Variants in NPTN observed in about 807,000 individuals in gnomAD.
NPTN encodes the protein SDR-1.
In NPTN, 5 loss-of-function variants were observed where a neutral mutation model predicts 42.7. The observed-to-expected ratio is 0.12, with a 90% CI of 0.06 to 0.25. The LOEUF is 0.25. NPTN is among the 10% of genes least tolerant of loss of function. The probability of loss-of-function intolerance (pLI) is 1.00; values close to 1 mark genes in which losing one functional copy is unlikely to be tolerated. For missense variants in NPTN, 307 were observed against 525.4 expected (o/e 0.58, Z 4.06); for synonymous variants, 180 against 201.9 (o/e 0.89, Z 0.92).
chr15:73,585,771 C>T (rs1396374840), intron 4 of NPTN, among the ~76,000 whole-genome samples: 1 of 152,202 alleles, frequency 6.6e-6, no homozygotes, highest in East Asian at 1.9e-4. Flanking sequence ...ATACTACCAC[C>T]TGCCTCACCT....
intron 1 of NPTN, among the ~76,000 whole-genome samples, chr15:73,620,395 T>C (rs935800732): frequency 3.9e-5 from 6 of 152,188 alleles, no homozygotes; most frequent in African/African-American, 1.2e-4. Flanking sequence ...AAAATGAAGA[T>C]ATTCTCAATG....
chr15:73,587,414 T>C (rs530124368), intron 4 of NPTN, 110 bp downstream of exon 4: 62 of 771,430 alleles, frequency 8.0e-5, no homozygotes, highest in African/African-American at 7.3e-4. Context: ...CAACATTATA[T>C]TGTGTCTCGA....
Position 73,567,098 on chromosome 15 carries a change from A to C in NPTN, c.1114+3052T>G, listed in dbSNP as rs894082265. ...TAAATATTTGATTTTCTAGTGAAACATACTTAAACTAAACTATGTAAGTTC... is the reference window on the plus strand; with the variant it reads ...TAAATATTTGATTTTCTAGTGAAACCTACTTAAACTAAACTATGTAAGTTC... On this transcript the variant is annotated intron_variant, in intron 6 of 8. Transcript: ENST00000345330. 13 of 980,834 alleles carry C rather than the reference A, an allele frequency of 1.3e-5. No homozygotes were observed. The African/African-American group carries it at 2.3e-4, about 17-fold the overall frequency. The allele number at this position is 980,834 out of a possible 1,614,324, so 60.8% of individuals were successfully genotyped here.
At chr15:73,587,343 T>TA (rs1896366016) in intron 4 of NPTN, among the ~76,000 whole-genome samples, 181 bp downstream of exon 4, 1 of 152,154 alleles carries the variant, frequency 6.6e-6, no homozygotes, top group South Asian at 2.1e-4. Context: ...ACACAGCTAG[T>TA]AGATGATGGG....
rs1015408403 is a variant in NPTN at position 73,565,915 on chromosome 15, A to G, written c.1115-2658T>C. The G allele has an allele frequency of 2.1e-5, 8 of 386,750 alleles. No individual in the cohort carries two copies. The East Asian group carries it at 3.1e-4, about 15-fold the overall frequency. 24.0% of individuals were successfully genotyped at this position (386,750 alleles called of 1,614,324 possible). A position where few individuals can be genotyped will look rare whatever the true frequency, so the allele number is the denominator to read the frequency against. Reference sequence around the variant, plus strand: ...AGTAAATAACGGATTGCCTAATACAATATCACCTCCAAAAAGATGGCTTTA... The same window carrying G: ...AGTAAATAACGGATTGCCTAATACAGTATCACCTCCAAAAAGATGGCTTTA... On this transcript the variant is annotated intron_variant, in intron 6 of 8. Transcript: ENST00000345330.
intron 1 of NPTN, among the ~76,000 whole-genome samples, chr15:73,611,631 T>C (rs1897584721): frequency 6.6e-6 from 1 of 152,212 alleles, no homozygotes; most frequent in African/African-American, 2.4e-5. Flanking sequence ...AGGGGATTTT[T>C]AGGACAGTGA....
chr15:73,589,592 G>T (rs2141394819), intron 3 of NPTN, among the ~76,000 whole-genome samples: 1 of 152,168 alleles, frequency 6.6e-6, no homozygotes, highest in Admixed American at 6.5e-5. Flanking sequence ...TTGCTTAGGG[G>T]TTAAAATATG....
intron 4 of NPTN, among the ~76,000 whole-genome samples, chr15:73,574,374 A>G (rs1895571485): frequency 6.6e-6 from 1 of 152,214 alleles, no homozygotes; most frequent in African/African-American, 2.4e-5. Context: ...AAGGAGGAAG[A>G]AAGGAATGAA....
intron 1 of NPTN, among the ~76,000 whole-genome samples, chr15:73,628,642 A>G (rs1196211195): frequency 1.3e-5 from 2 of 152,334 alleles, no homozygotes; most frequent in Non-Finnish European, 2.9e-5. Context: ...CACACAAAAC[A>G]TCTTACTTTT....
chr15:73,600,043 C>T (rs1018687978), intron 1 of NPTN, among the ~76,000 whole-genome samples: 2 of 152,152 alleles, frequency 1.3e-5, no homozygotes, highest in African/African-American at 4.8e-5. Context: ...CCACTGTAAC[C>T]CCAAGTCCTA....
chr15:73,601,307 T>A (rs1366635870), intron 1 of NPTN, among the ~76,000 whole-genome samples: 2 of 147,742 alleles, frequency 1.4e-5, no homozygotes, highest in East Asian at 4.0e-4. Context: ...AGAGATCTAT[T>A]CCCCCTCCAA....
intron 4 of NPTN, among the ~76,000 whole-genome samples, chr15:73,574,333 G>A (rs999701857): frequency 5.3e-5 from 8 of 152,146 alleles, no homozygotes; most frequent in Admixed American, 1.3e-4. Context: ...GGCTCTCCCA[G>A]GAAAGAGGGA....
intron 1 of NPTN, among the ~76,000 whole-genome samples, chr15:73,607,216 G>A (rs915790138): frequency 2.6e-5 from 4 of 152,010 alleles, no homozygotes; most frequent in African/African-American, 7.2e-5. Flanking sequence ...GCTTTAACAC[G>A]TTATCATTTT....
Position 73,570,344 on chromosome 15 carries a change from A to G in NPTN, c.920T>C (p.Ile307Thr), listed in dbSNP as rs932962854. The G allele has an allele frequency of 6.2e-7, 1 of 1,614,022 alleles. No individual in the cohort carries two copies. The highest frequency in any genetic ancestry group is 1.3e-5 in the African/African-American group (1 of 74,940). The change falls in exon 6 of 9, where the codon ATC (isoleucine) becomes ACC (threonine). Residue 307 changes from isoleucine to threonine, a missense_variant. Ile to Thr is a moderately conservative substitution (Grantham distance 89). This residue lies in a region of NPTN where 264 missense variants were observed against 491.1 expected (regional missense o/e 0.54). Coordinates refer to ENST00000345330, the MANE Select transcript of NPTN (RefSeq NM_012428.4). The surrounding 1 kb of genome is among the most constrained non-coding windows in gnomAD (Gnocchi z 4.0). ...TTCATACTCGCCAGGGTCTTCCGTG[A>G]TCTGCAGGTTCACAATGTTCAACTC... Reference protein sequence around the residue: ...YTELNIVNLQITEDPGEYECN... With the variant: ...YTELNIVNLQTTEDPGEYECN...
intron 3 of NPTN, among the ~76,000 whole-genome samples, chr15:73,589,334 A>AAAAAAAAG (rs981232490): frequency 6.6e-6 from 1 of 152,080 alleles, no homozygotes; most frequent in East Asian, 1.9e-4. Flanking sequence ...CCTGTTGCGA[A>AAAAAAAAG]AAAAAAAGAA....
chr15:73,577,994 A>G (rs1354377988), intron 4 of NPTN, among the ~76,000 whole-genome samples: 1 of 152,204 alleles, frequency 6.6e-6, no homozygotes, highest in Non-Finnish European at 1.5e-5. Context: ...TAGGTCACAC[A>G]TATCTGTAGG....
At chr15:73,609,754 C>T (rs1237598047) in intron 1 of NPTN, among the ~76,000 whole-genome samples, 1 of 151,988 alleles carries the variant, frequency 6.6e-6, no homozygotes, top group Non-Finnish European at 1.5e-5. Flanking sequence ...TTTTATATGA[C>T]ACATAAAAAT....
intron 3 of NPTN, among the ~76,000 whole-genome samples, chr15:73,589,314 A>G (rs1896475407): frequency 6.6e-6 from 1 of 152,130 alleles, no homozygotes. Flanking sequence ...CCTGGGTGAC[A>G]GAGTAAGACC....
chr15:73,613,304 A>G (rs984442048), intron 1 of NPTN, among the ~76,000 whole-genome samples: 4 of 152,176 alleles, frequency 2.6e-5, no homozygotes, highest in Admixed American at 1.3e-4. Flanking sequence ...ATTTTTATCT[A>G]TTAAAATTAT....
Sources: allele counts gnomAD v4.1 joint callset (sites outside exome capture counted in the v4.1 genomes callset), GRCh38; gene constraint gnomAD v4.1.1; regional missense constraint gnomAD v4.1.1; non-coding constraint Gnocchi (gnomAD v3.1); transcripts MANE v1.5; gene names NCBI Gene and HGNC (gene_info 2026-07-23, HGNC 2026-07-21).